Variants in PDE7B observed in about 807,000 individuals in gnomAD.
The protein encoded by PDE7B is phosphodiesterase 7B.
PDE7B carries 29 observed loss-of-function variants against 56.2 expected under a neutral mutation model. The ratio of observed to expected loss-of-function variants is 0.52; its 90% CI spans 0.38 to 0.70. The LOEUF is 0.70. PDE7B is among the 30% of genes least tolerant of loss of function. The pLI, the probability that PDE7B is intolerant of heterozygous loss-of-function variation, is 0.00. For synonymous variants in PDE7B, 197 were observed against 196.9 expected (o/e 1.00, Z 0.00); for missense variants, 490 against 565.0 (o/e 0.87, Z 1.35).
At chr6:136,133,820 G>A (rs575956873) in intron 3 of PDE7B, among the ~76,000 whole-genome samples, 15 of 152,114 alleles carry the variant, frequency 9.9e-5, no homozygotes, top group South Asian at 2.1e-4. Context: ...GTGGGCTGCC[G>A]AAGGACAGAT....
At chr6:136,190,705 C>T (rs1304268508) in intron 12 of PDE7B, among the ~76,000 whole-genome samples, 1 of 152,064 alleles carries the variant, frequency 6.6e-6, no homozygotes, top group Non-Finnish European at 1.5e-5. Flanking sequence ...TAGAAAGTAA[C>T]AAATCTTAAA....
chr6:136,184,565 C>T lies in PDE7B; in HGVS notation c.1046-2471C>T, dbSNP rs149862231. ...CATTGCAGCAAATCCCATTAGAGAG[C>T]GCTGGTCTAGATAGAATGGAATGGA... On this transcript the variant is annotated intron_variant, in intron 11 of 12. Coordinates refer to ENST00000308191, the MANE Select transcript of PDE7B (RefSeq NM_018945.4). Among the ~76,000 whole-genome samples, 355 of 152,220 alleles carry T rather than the reference C, an allele frequency of 2.3e-3. 3 individuals are homozygous for T. Among genetic ancestry groups the T allele is most frequent in the Non-Finnish European group, 3.8e-3 (260 of 68,004 alleles).
intron 2 of PDE7B, among the ~76,000 whole-genome samples, chr6:136,106,526 A>G (rs1777647570): frequency 6.6e-6 from 1 of 152,226 alleles, no homozygotes; most frequent in African/African-American, 2.4e-5. Context: ...AGGCAGCTCA[A>G]TTAAAGTCCA....
chr6:135,904,981 A>G (rs922347522), intron 1 of PDE7B, among the ~76,000 whole-genome samples: 1 of 152,230 alleles, frequency 6.6e-6, no homozygotes. Flanking sequence ...GTGCAGTTGC[A>G]CAGGGTCCCA....
At chr6:135,941,252 ATT>A (rs5880271) in intron 1 of PDE7B, among the ~76,000 whole-genome samples, 3 of 151,768 alleles carry the variant, frequency 2.0e-5, no homozygotes, top group East Asian at 1.9e-4. Context: ...CTTAGGTTTG[ATT>A]TTTTTTTTCC....
chr6:135,870,144 T>C (rs758298903), intron 1 of PDE7B, among the ~76,000 whole-genome samples: 1 of 152,048 alleles, frequency 6.6e-6, no homozygotes, highest in Non-Finnish European at 1.5e-5. Context: ...AGATGGGAGA[T>C]GACGATGGCC....
intron 2 of PDE7B, 105 bp downstream of exon 2, chr6:135,947,629 A>G: frequency 3.8e-6 from 3 of 797,806 alleles, no homozygotes; most frequent in Non-Finnish European, 6.6e-6. Flanking sequence ...GAAGAGGCTG[A>G]TAGGTTCTTT....
chr6:135,939,204 G>C (rs1299534702), intron 1 of PDE7B, among the ~76,000 whole-genome samples: 14 of 152,220 alleles, frequency 9.2e-5, no homozygotes, highest in Admixed American at 9.2e-4. Flanking sequence ...GGTCACCTCA[G>C]GTTACGTAGC....
At chr6:136,190,970 T>G (rs1301045461) in intron 12 of PDE7B, among the ~76,000 whole-genome samples, 1 of 148,638 alleles carries the variant, frequency 6.7e-6, no homozygotes, top group East Asian at 2.0e-4. Flanking sequence ...TCATTTGCCC[T>G]CTCCATCCCT....
chr6:136,087,242 A>G (rs1777308828), intron 2 of PDE7B, among the ~76,000 whole-genome samples: 1 of 152,228 alleles, frequency 6.6e-6, no homozygotes, highest in African/African-American at 2.4e-5. Flanking sequence ...TGAATTTCAG[A>G]GGGTGACTAA....
chr6:136,066,264 T>C (rs919986447), intron 2 of PDE7B, among the ~76,000 whole-genome samples: 2 of 152,210 alleles, frequency 1.3e-5, no homozygotes, highest in African/African-American at 4.8e-5. Context: ...CAATAACCCT[T>C]AGAGCAGATG....
intron 2 of PDE7B, chr6:136,037,458 G>A (rs756106156): frequency 1.3e-5 from 13 of 985,418 alleles, no homozygotes; most frequent in Non-Finnish European, 1.6e-5. Context: ...GAGGGATGTG[G>A]AGAAGGAGCG....
chr6:135,891,349 C>A (rs1340271117), intron 1 of PDE7B, among the ~76,000 whole-genome samples: 1 of 152,170 alleles, frequency 6.6e-6, no homozygotes, highest in Non-Finnish European at 1.5e-5. Context: ...CATATAAAAT[C>A]ATAGATCATT....
chr6:136,141,229 A>G (rs888020984), intron 3 of PDE7B, among the ~76,000 whole-genome samples: 46 of 152,038 alleles, frequency 3.0e-4, no homozygotes, highest in Admixed American at 2.3e-3. Context: ...ATAATCATGT[A>G]GTTTTTGTCT....
chr6:136,018,160 C>T (rs1286695772), intron 2 of PDE7B, among the ~76,000 whole-genome samples: 1 of 152,126 alleles, frequency 6.6e-6, no homozygotes, highest in Admixed American at 6.6e-5. Context: ...ACAGGAATCC[C>T]AATTTCAGCA....
At chr6:136,044,225 T>C (rs1419429909) in intron 2 of PDE7B, 1 of 152,242 alleles carries the variant, frequency 6.6e-6, no homozygotes, top group African/African-American at 2.4e-5. Context: ...GGCAAATCAC[T>C]TAATTTTGTT....
At chr6:135,904,777 C>T (rs1255703849) in intron 1 of PDE7B, among the ~76,000 whole-genome samples, 1 of 152,090 alleles carries the variant, frequency 6.6e-6, no homozygotes, top group African/African-American at 2.4e-5. Context: ...CTGTGTATAC[C>T]TGATCAGAGA....
At chr6:136,073,103 T>C (rs147551122) in intron 2 of PDE7B, among the ~76,000 whole-genome samples, 215 of 152,236 alleles carry the variant, frequency 1.4e-3, no homozygotes, top group African/African-American at 4.4e-3. Flanking sequence ...TGATGGAATA[T>C]CTGAGATGGT....
At chr6:136,033,586 C>T (rs1001458984) in intron 2 of PDE7B, among the ~76,000 whole-genome samples, 8 of 152,166 alleles carry the variant, frequency 5.3e-5, no homozygotes, top group African/African-American at 1.4e-4. Flanking sequence ...CCTCCTACTT[C>T]GCCCCACCTG....
Sources: allele counts gnomAD v4.1 joint callset (sites outside exome capture counted in the v4.1 genomes callset), GRCh38; gene constraint gnomAD v4.1.1; transcripts MANE v1.5; gene names NCBI Gene and HGNC (gene_info 2026-07-23, HGNC 2026-07-21).